Variants in EML6 observed in about 807,000 individuals in gnomAD.
EML6 encodes echinoderm microtubule-associated protein-like 6.
Under a neutral mutation model 240.1 loss-of-function variants are expected in EML6, and 154 were observed. The ratio of observed to expected loss-of-function variants is 0.64; its 90% CI spans 0.56 to 0.73. The LOEUF (loss-of-function observed/expected upper bound fraction) is 0.73, where lower values mean the gene tolerates loss of function less well. EML6 is among the 30% of genes least tolerant of loss of function. The pLI is 0.00. For missense variants in EML6, 2,964 were observed against 2,474.6 expected (o/e 1.20, Z -4.20); for synonymous variants, 1,148 against 899.0 (o/e 1.28, Z -4.95).
At chr2:54,851,207 G>A (rs528183750) in intron 10 of EML6, among the ~76,000 whole-genome samples, 4 of 151,930 alleles carry the variant, frequency 2.6e-5, no homozygotes, top group Non-Finnish European at 5.9e-5. Context: ...TCAGGAGTTC[G>A]AAATCAACCT....
chr2:54,795,853 C>G (rs1174258063), intron 2 of EML6, among the ~76,000 whole-genome samples: 2 of 152,162 alleles, frequency 1.3e-5, no homozygotes, highest in African/African-American at 2.4e-5. Context: ...GCAGCTACAT[C>G]TTAAGAATTT....
chr2:54,860,765 C>T (rs1383182388), intron 12 of EML6, among the ~76,000 whole-genome samples: 1 of 152,188 alleles, frequency 6.6e-6, no homozygotes. Context: ...GCAGCGGCTT[C>T]TTCTCTTAGG....
chr2:54,959,119 A>C lies in EML6; in HGVS notation c.4711A>C (p.Thr1571Pro). The C allele has an allele frequency of 6.4e-7, 1 of 1,550,806 alleles. No homozygotes were observed. Among genetic ancestry groups the C allele is most frequent in the Non-Finnish European group, 8.7e-7 (1 of 1,146,740 alleles). ...TTGTTTACAGAACAATCTCACTTTC[A>C]CGGGTGCCATCAATGGAGATGTCTA... ...VAFGANNLTF[T>P]GAINGDVYVW... is the part of the protein sequence containing the mutation. Residue 1571 changes from threonine (T) to proline (P), a missense_variant, in exon 34 of 42, where the codon ACG becomes CCG. Transcript: ENST00000356458.
intron 2 of EML6, among the ~76,000 whole-genome samples, chr2:54,731,476 C>CA (rs1316225803): frequency 6.6e-6 from 1 of 151,964 alleles, no homozygotes; most frequent in African/African-American, 2.4e-5. Context: ...CCCATTGCTA[C>CA]AAAAAATTAA....
At chr2:54,842,076 A>G (rs947094459) in intron 7 of EML6, among the ~76,000 whole-genome samples, 20 of 152,042 alleles carry the variant, frequency 1.3e-4, no homozygotes, top group Non-Finnish European at 2.4e-4. Context: ...TTGACGTGTC[A>G]TTATCACCCA....
rs1178111247 is a variant in EML6 at position 54,850,097 on chromosome 2, T to C, written c.1323T>C (p.Tyr441=). ...ATGTCTATGCTGTTGCCCAGAGGTA[T>C]AAGAAAATTGGAGAATGCAGCAAGT... The part of the protein sequence containing the change: ...PVDVYAVAQR[Y]KKIGECSKSL... The change falls in exon 10 of 42, where the codon TAT becomes TAC. Residue 441 remains tyrosine, a synonymous_variant. Transcript: ENST00000356458. The C allele has an allele frequency of 1.3e-6, 2 of 1,552,072 alleles. No homozygotes were observed. Among genetic ancestry groups the C allele is most frequent in the East Asian group, 4.9e-5 (2 of 40,926 alleles).
chr2:54,781,206 GAC>G (rs1394496250), intron 2 of EML6, among the ~76,000 whole-genome samples: 2 of 152,142 alleles, frequency 1.3e-5, no homozygotes, highest in Non-Finnish European at 2.9e-5. Context: ...CTTGCCCAGG[GAC>G]ACACAGCTAG....
chr2:54,945,860 G>C (rs1366912889), intron 28 of EML6, among the ~76,000 whole-genome samples: 1 of 152,214 alleles, frequency 6.6e-6, no homozygotes, highest in African/African-American at 2.4e-5. Flanking sequence ...CCCAGCGCTG[G>C]GCAGTGGGAT....
intron 16 of EML6, among the ~76,000 whole-genome samples, chr2:54,877,247 G>T (rs967177067): frequency 6.6e-6 from 1 of 152,094 alleles, no homozygotes; most frequent in Non-Finnish European, 1.5e-5. Flanking sequence ...GCCTCCCAAA[G>T]TGTTGGGATT....
intron 16 of EML6, among the ~76,000 whole-genome samples, chr2:54,878,747 C>G (rs1468115743): frequency 6.6e-6 from 1 of 152,032 alleles, no homozygotes; most frequent in Non-Finnish European, 1.5e-5. Context: ...ATTCTTGCCA[C>G]TTTTCTAAAC....
At chr2:54,945,859 G>T (rs1273163998) in intron 28 of EML6, among the ~76,000 whole-genome samples, 3 of 152,208 alleles carry the variant, frequency 2.0e-5, no homozygotes, top group African/African-American at 7.2e-5. Flanking sequence ...GCCCAGCGCT[G>T]GGCAGTGGGA....
intron 2 of EML6, among the ~76,000 whole-genome samples, chr2:54,730,899 A>C (rs760440962): frequency 2.6e-5 from 4 of 152,200 alleles, no homozygotes; most frequent in Non-Finnish European, 5.9e-5. Flanking sequence ...GCCGCCTCGA[A>C]GCTTACTTTC....
Position 54,904,258 on chromosome 2 carries a change from G to A in EML6, c.3409+756G>A, listed in dbSNP as rs557689979. Among the ~76,000 whole-genome samples, 421 of 152,258 alleles carry A rather than the reference G, an allele frequency of 2.8e-3. 3 individuals carry two copies. Among genetic ancestry groups the A allele is most frequent in the African/African-American group, 9.8e-3 (408 of 41,532 alleles). ...TGAGCAGGGACTCCGAATGGGCCAC[G>A]GCAGCATTCAGTACCCAGGGTGGAA... On this transcript the variant is annotated intron_variant, in intron 24 of 41. Transcript: ENST00000356458.
At chr2:54,911,681 C>T (rs1673649610) in intron 25 of EML6, among the ~76,000 whole-genome samples, 1 of 152,202 alleles carries the variant, frequency 6.6e-6, no homozygotes, top group Non-Finnish European at 1.5e-5. Flanking sequence ...AGGTGATCCG[C>T]CCACGTCAGC....
At chr2:54,931,693 C>A (rs889726878) in intron 28 of EML6, among the ~76,000 whole-genome samples, 4 of 152,164 alleles carry the variant, frequency 2.6e-5, no homozygotes, top group African/African-American at 7.2e-5. Flanking sequence ...TGGTTCAAGA[C>A]ATGCACCAAT....
intron 5 of EML6, among the ~76,000 whole-genome samples, chr2:54,823,878 T>TC (rs60937620): frequency 0.026 from 3,332 of 129,094 alleles, 210 homozygotes; most frequent in African/African-American, 0.036. Flanking sequence ...CTCTCTCTCT[T>TC]TCTGTCTCTC....
In EML6 at chr2:54,850,158, G is replaced by T. The variant is rs1417812517; in HGVS notation, c.1384G>T (p.Asp462Tyr). The stretch of plus-strand genomic sequence containing the variant: ...CATCACGCATATTGACTGGTCCTTG[G>T]ATAGTAAATACTTACAAACTAATGA... ...SFITHIDWSL[D>Y]SKYLQTNDGA... The change falls in exon 10 of 42, where the codon GAT (aspartate) becomes TAT (tyrosine). Residue 462 changes from aspartate (D) to tyrosine (Y), a missense_variant. Coordinates refer to ENST00000356458, the MANE Select transcript of EML6 (RefSeq NM_001039753.4). The T allele has an allele frequency of 6.4e-7, 1 of 1,551,432 alleles. No homozygotes were observed. Among genetic ancestry groups the T allele is most frequent in the African/African-American group, 1.4e-5 (1 of 73,036 alleles).
At chr2:54,846,238 C>T (rs911415603) in intron 8 of EML6, among the ~76,000 whole-genome samples, 1 of 152,098 alleles carries the variant, frequency 6.6e-6, no homozygotes, top group Admixed American at 6.5e-5. Context: ...ATCATTTGCT[C>T]TTCTTCATCT....
chr2:54,970,333 T>A lies in EML6; in HGVS notation c.*238T>A. On this transcript the variant is annotated 3_prime_UTR_variant, in exon 42 of 42. Transcript: ENST00000356458. ...AATGTTAAAGACTGCTTGCCTCTGT[T>A]CCTGAGACTAAACAGTATACATACT... 6.9e-6 allele frequency: 4 copies of A among 577,162 alleles called. 1 individual carries two copies. In the South Asian group the frequency reaches 8.1e-5, roughly 12 times the overall value. The allele number at this position is 577,162 out of a possible 1,614,324, so 35.8% of individuals were successfully genotyped here.
Sources: gnomAD v4.1 joint callset for allele counts (sites outside exome capture counted in the v4.1 genomes callset) on GRCh38, gnomAD v4.1.1 for gene constraint, MANE v1.5 for transcripts, NCBI Gene and HGNC (gene_info 2026-07-23, HGNC 2026-07-21) for gene names.